Variants in SIM1 observed in about 807,000 individuals in gnomAD.
SIM1 encodes the protein SIM bHLH transcription factor 1, also known as single-minded homolog 1.
A neutral mutation model predicts 78.2 loss-of-function variants in SIM1; 18 were observed. The observed-to-expected ratio is 0.23, with a 90% CI of 0.16 to 0.34. The LOEUF (loss-of-function observed/expected upper bound fraction) is 0.34, where lower values mean the gene tolerates loss of function less well. Among genes scored for constraint, SIM1 ranks in the 10% least tolerant of loss-of-function variants. SIM1 has a pLI of 1.00. For missense variants in SIM1, 939 were observed against 975.1 expected, an observed-to-expected ratio of 0.96 and a Z score of 0.49; for synonymous variants, 417 against 385.2, an observed-to-expected ratio of 1.08 and a Z score of -0.97.
intron 10 of SIM1, among the ~76,000 whole-genome samples, chr6:100,406,076 T>A (rs1354734665): frequency 6.6e-6 from 1 of 152,224 alleles, no homozygotes; most frequent in East Asian, 1.9e-4. Flanking sequence ...GTCCTTTATG[T>A]CATGGCATCC....
chr6:100,453,761 C>A lies in SIM1; in HGVS notation c.258+1G>T. 2 of 1,608,938 alleles carry A rather than the reference C, an allele frequency of 1.2e-6. No individual in the cohort carries two copies. Among genetic ancestry groups the A allele is most frequent in the Non-Finnish European group, 1.7e-6 (2 of 1,177,004 alleles). ...TGTTGCCGGAAGACCTGCACCTGTACCTGGAGCAGATGGGAGCCCAGTTCT... is the reference window on the plus strand; with the variant it reads ...TGTTGCCGGAAGACCTGCACCTGTAACTGGAGCAGATGGGAGCCCAGTTCT... On this transcript the variant is annotated splice_donor_variant, in intron 3 of 11. Coordinates refer to ENST00000369208, the MANE Select transcript of SIM1 (RefSeq NM_005068.3). LOFTEE classifies it high-confidence loss of function.
rs866531993 is a variant in SIM1, at chr6:100,386,879, G to C, written c.*3482C>G. On this transcript the variant is annotated 3_prime_UTR_variant, in exon 12 of 12. Transcript: ENST00000369208. ...CAGTTTAGGTAAGCGAGCACAATAT[G>C]ACAAAAGACTTGTGGACCGAAGCAC... 4 of 152,042 alleles carry C rather than the reference G, an allele frequency of 2.6e-5. No homozygotes were observed. 9.4% of individuals were successfully genotyped at this position (152,042 alleles called of 1,614,324 possible).
chr6:100,400,692 A>G (rs1225172873), intron 10 of SIM1, among the ~76,000 whole-genome samples: 4 of 152,128 alleles, frequency 2.6e-5, no homozygotes, highest in Admixed American at 2.6e-4. Context: ...AGTAAATGAC[A>G]GTAATGAATA....
chr6:100,400,176 A>G (rs1460744273), intron 10 of SIM1, among the ~76,000 whole-genome samples: 1 of 152,020 alleles, frequency 6.6e-6, no homozygotes, highest in East Asian at 1.9e-4. Context: ...AAAGACTAAC[A>G]TACCACTCTT....
intron 9 of SIM1, among the ~76,000 whole-genome samples, chr6:100,433,986 C>T (rs2114521860): frequency 6.6e-6 from 1 of 152,220 alleles, no homozygotes; most frequent in East Asian, 1.9e-4. Context: ...ATTACAACAA[C>T]AGAGATTAAG....
At chr6:100,404,293 A>G (rs1434328963) in intron 10 of SIM1, among the ~76,000 whole-genome samples, 1 of 152,234 alleles carries the variant, frequency 6.6e-6, no homozygotes, top group Non-Finnish European at 1.5e-5. Context: ...AAAATGCCAG[A>G]TGTTCCAACA....
At chr6:100,453,103 C>T (rs1772556259) in intron 3 of SIM1, among the ~76,000 whole-genome samples, 1 of 152,180 alleles carries the variant, frequency 6.6e-6, no homozygotes, top group African/African-American at 2.4e-5. Context: ...TGTTCTGTGA[C>T]TTAAGTAGGC....
chr6:100,418,503 C>T (rs1339134835), intron 10 of SIM1, among the ~76,000 whole-genome samples: 2 of 152,144 alleles, frequency 1.3e-5, no homozygotes, highest in African/African-American at 4.8e-5. Context: ...ACCCTCACCA[C>T]ATGGAAGGGG....
intron 11 of SIM1, among the ~76,000 whole-genome samples, chr6:100,392,224 G>A (rs1770661170): frequency 6.6e-6 from 1 of 152,146 alleles, no homozygotes; most frequent in African/African-American, 2.4e-5. Flanking sequence ...CAACCTGTTT[G>A]GAGCCAAGGA....
chr6:100,444,586 T>C (rs1205495170), intron 9 of SIM1, among the ~76,000 whole-genome samples: 1 of 152,108 alleles, frequency 6.6e-6, no homozygotes, highest in East Asian at 1.9e-4. Context: ...CTCCAGATTT[T>C]CAGAACATAT....
At chr6:100,434,562 A>G (rs1771992503) in intron 9 of SIM1, among the ~76,000 whole-genome samples, 1 of 152,246 alleles carries the variant, frequency 6.6e-6, no homozygotes, top group African/African-American at 2.4e-5. Flanking sequence ...AGTAAAATGA[A>G]TGGCTGAAGA....
Position 100,390,692 on chromosome 6 carries a change from C to T in SIM1, c.1970G>A (p.Arg657Gln), listed in dbSNP as rs764839085. The change falls in exon 12 of 12, where the codon CGG (arginine) becomes CAG (glutamine). Residue 657 changes from arginine (R) to glutamine (Q), a missense_variant. Arg to Gln is a conservative substitution (Grantham distance 43). Coordinates refer to ENST00000369208, the MANE Select transcript of SIM1 (RefSeq NM_005068.3). The stretch of plus-strand genomic sequence containing the variant: ...GCGATCCGAATTGGGACTACTTATC[C>T]GAGATAGTGCGGTGGGACTGTTGTC... ...DYDNSPTALS[R>Q]ISSPNSDRIS... 2.0e-5 allele frequency: 33 copies of T among 1,613,934 alleles called. No individual in the cohort carries two copies. Among genetic ancestry groups the T allele is most frequent in the East Asian group, 4.5e-5 (2 of 44,878 alleles).
chr6:100,420,902 G>A lies in SIM1; in HGVS notation c.1055C>T (p.Pro352Leu), dbSNP rs1180558693. Residue 352 changes from proline to leucine, a missense_variant, in exon 10 of 12, where the codon CCA becomes CTA. Physicochemically the swap from Pro to Leu is moderately conservative, Grantham distance 98 (BLOSUM62 -3). This residue lies in a region of SIM1 where 556 missense variants were observed against 521.9 expected (regional missense o/e 1.07). Transcript: ENST00000369208. ...GGAGCTGCTGGTATAGGAGAAGGCT[G>A]GTTTGGAGGCTGAGATCTGATCCAG... Reference protein sequence around the residue: ...LSLDQISASKPAFSYTSSSTP... With the variant: ...LSLDQISASKLAFSYTSSSTP... The A allele has an allele frequency of 1.2e-6, 2 of 1,614,000 alleles. No homozygotes were observed. Among genetic ancestry groups the A allele is most frequent in the Admixed American group, 1.7e-5 (1 of 60,008 alleles).
Position 100,447,431 on chromosome 6 carries a change from G to A in SIM1, c.851-16C>T. 6.2e-7 allele frequency: 1 copy of A among 1,614,124 alleles called. No homozygotes were observed. Among genetic ancestry groups the A allele is most frequent in the Non-Finnish European group, 8.5e-7 (1 of 1,180,000 alleles). On this transcript the variant is annotated splice_polypyrimidine_tract_variant and intron_variant, in intron 8 of 11. Coordinates refer to ENST00000369208, the MANE Select transcript of SIM1 (RefSeq NM_005068.3). ...TTCACCAGCACTGACGGAGAGACAG[G>A]AGGCAGATGGTGGTGAACCAGCCTG...
chr6:100,452,435 A>G (rs1373692133), intron 3 of SIM1, among the ~76,000 whole-genome samples: 1 of 152,164 alleles, frequency 6.6e-6, no homozygotes, highest in African/African-American at 2.4e-5. Context: ...AGTGAGCTTC[A>G]TTAGGATAAG....
At chr6:100,420,611 A>G (rs968520446) in intron 10 of SIM1, among the ~76,000 whole-genome samples, 179 bp downstream of exon 10, 6 of 152,190 alleles carry the variant, frequency 3.9e-5, no homozygotes, top group Admixed American at 2.6e-4. Flanking sequence ...AATTATTTCA[A>G]AGTTATACTA....
chr6:100,441,665 T>G (rs74701335), intron 9 of SIM1, among the ~76,000 whole-genome samples: 5,771 of 152,280 alleles, frequency 0.038, 111 homozygotes, highest in African/African-American at 0.057. Flanking sequence ...GCAGGCTACA[T>G]TTTCTTCTTA....
At chr6:100,419,681 GC>G (rs1771511526) in intron 10 of SIM1, among the ~76,000 whole-genome samples, 1 of 151,978 alleles carries the variant, frequency 6.6e-6, no homozygotes, top group Admixed American at 6.6e-5. Flanking sequence ...TCTCACTGTC[GC>G]CCAGCCTGGA....
chr6:100,458,008 C>G (rs1443252723), intron 2 of SIM1, among the ~76,000 whole-genome samples: 1 of 3,356 alleles, frequency 3.0e-4, no homozygotes, highest in African/African-American at 8.4e-4. Flanking sequence ...CTCTCTCTTT[C>G]TCTCTCTCTC....
Sources: allele counts gnomAD v4.1 joint callset (sites outside exome capture counted in the v4.1 genomes callset), GRCh38; gene constraint gnomAD v4.1.1; regional missense constraint gnomAD v4.1.1; transcripts MANE v1.5; gene names NCBI Gene and HGNC (gene_info 2026-07-23, HGNC 2026-07-21).